NCOR2: variants seen among roughly 807,000 people sequenced by gnomAD.
NCOR2 encodes CTG repeat protein 26.
NCOR2 carries 81 observed loss-of-function variants against 262.9 expected under a neutral mutation model. That is an observed-to-expected ratio of 0.31 (90% CI 0.26 to 0.37). The LOEUF (loss-of-function observed/expected upper bound fraction) is 0.37, where lower values mean the gene tolerates loss of function less well. NCOR2 is among the 10% of genes least tolerant of loss of function. The probability of loss-of-function intolerance (pLI) is 1.00; values close to 1 mark genes in which losing one functional copy is unlikely to be tolerated. For missense variants in NCOR2, 3,385 were observed against 3,621.4 expected (o/e 0.93, Z 1.68); for synonymous variants, 1,659 against 1,559.3 (o/e 1.06, Z -1.51).
chr12:124,423,412 C>T (rs1593470848), intron 11 of NCOR2, among the ~76,000 whole-genome samples: 1 of 152,218 alleles, frequency 6.6e-6, no homozygotes, highest in Admixed American at 6.5e-5. Context: ...AGTGCCCGAC[C>T]TGCCTGGCCC....
intron 31 of NCOR2, 37 bp from the exon 34 acceptor site, chr12:124,344,988 C>T: frequency 1.4e-6 from 2 of 1,480,138 alleles, no homozygotes; most frequent in Non-Finnish European, 1.8e-6. Flanking sequence ...GCCCTGGCCA[C>T]AGCCATAGCC....
chr12:124,326,346 G>A, exon 46 of NCOR2: 1 of 1,520,566 alleles, frequency 6.6e-7, no homozygotes, highest in Non-Finnish European at 8.8e-7. Context: ...GGGTCTGCCA[G>A]AGACCTTGGC....
At chr12:124,358,015 TGC>T (rs2038118449) in intron 22 of NCOR2, among the ~76,000 whole-genome samples, 1 of 145,756 alleles carries the variant, frequency 6.9e-6, no homozygotes, top group African/African-American at 2.6e-5. Flanking sequence ...TGTGCACACG[TGC>T]GTGCATGTGT....
At chr12:124,372,224 C>G in exon 20 of NCOR2, 6 of 1,601,120 alleles carry the variant, frequency 3.7e-6, no homozygotes, top group Non-Finnish European at 5.1e-6. Flanking sequence ...TCCTCGGCTT[C>G]CTCCGTGCAC....
chr12:124,561,242 ATAGTAG>A (rs938849322), intron 1 of NCOR2, among the ~76,000 whole-genome samples: 9 of 152,204 alleles, frequency 5.9e-5, no homozygotes, highest in African/African-American at 2.2e-4. Context: ...ACGGCTCCGT[ATAGTAG>A]GAGTCACTAT....
At chr12:124,349,759 C>T (rs1000959668) in intron 28 of NCOR2, among the ~76,000 whole-genome samples, 2 of 152,158 alleles carry the variant, frequency 1.3e-5, no homozygotes, top group Admixed American at 1.3e-4. Flanking sequence ...TACCCAGTGA[C>T]CTCTCAAGAC....
At chr12:124,326,659 C>T (rs970770477) in intron 45 of NCOR2, among the ~76,000 whole-genome samples, 3 of 152,104 alleles carry the variant, frequency 2.0e-5, no homozygotes, top group Non-Finnish European at 2.9e-5. Context: ...GCAGCGACCC[C>T]AGCCCCAGGG....
At chr12:124,445,945 C>T (rs911280781) in intron 7 of NCOR2, among the ~76,000 whole-genome samples, 1 of 152,248 alleles carries the variant, frequency 6.6e-6, no homozygotes, top group Non-Finnish European at 1.5e-5. Context: ...GGGCAAGTGA[C>T]TTCCCACAGG....
chr12:124,464,671 C>T (rs943780632), intron 5 of NCOR2, among the ~76,000 whole-genome samples: 2 of 152,240 alleles, frequency 1.3e-5, no homozygotes, highest in Non-Finnish European at 2.9e-5. Flanking sequence ...GTGCCAGACA[C>T]TGTCTGTCCT....
chr12:124,372,541 C>G (rs1483837310), exon 20 of NCOR2: 1 of 1,597,298 alleles, frequency 6.3e-7, no homozygotes, highest in Non-Finnish European at 8.5e-7. Flanking sequence ...CCCATTCTGC[C>G]CTGTGTCCTT....
intron 10 of NCOR2, 115 bp downstream of exon 12, chr12:124,429,498 G>C: frequency 8.8e-7 from 1 of 1,132,282 alleles, no homozygotes; most frequent in Non-Finnish European, 1.3e-6. Context: ...GCGCTTCGGT[G>C]GCAAAGCCCC....
intron 37 of NCOR2, 147 bp downstream of exon 39, chr12:124,339,859 C>G: frequency 9.2e-7 from 1 of 1,083,892 alleles, no homozygotes; most frequent in African/African-American, 1.7e-5. Context: ...ATCCACTACT[C>G]ACACATAGTC....
At chr12:124,546,055 G>A (rs1483380568) in intron 1 of NCOR2, among the ~76,000 whole-genome samples, 1 of 152,240 alleles carries the variant, frequency 6.6e-6, no homozygotes, top group East Asian at 1.9e-4. Context: ...GCAGGGCTCA[G>A]CCTGCAGCAA....
chr12:124,363,840 G>A (rs747024857), intron 20 of NCOR2, 41 bp from the exon 23 acceptor site: 29 of 1,319,658 alleles, frequency 2.2e-5, no homozygotes, highest in Admixed American at 6.1e-5. Flanking sequence ...GCCCACAGCC[G>A]GACTCTCCCA....
At chr12:124,416,539 G>C (rs964880747) in intron 13 of NCOR2, among the ~76,000 whole-genome samples, 1 of 150,198 alleles carries the variant, frequency 6.7e-6, no homozygotes, top group Non-Finnish European at 1.5e-5. Flanking sequence ...GGGAGACCCC[G>C]CGGCACAGGG....
intron 7 of NCOR2, among the ~76,000 whole-genome samples, chr12:124,446,986 C>T (rs549837215): frequency 6.6e-6 from 1 of 152,294 alleles, no homozygotes; most frequent in Admixed American, 6.5e-5. Context: ...GTGATCTCGG[C>T]ACACTGCAAC....
In NCOR2 at chr12:124,339,526, C is replaced by T. The variant is rs191175404; in HGVS notation, c.5687+480G>A. Reference sequence around the variant, plus strand: ...CCCAGCTATCTATCCTCTCACCCACCCACCTACCTACCTAACCCTATCACC... The same window carrying T: ...CCCAGCTATCTATCCTCTCACCCACTCACCTACCTACCTAACCCTATCACC... On this transcript the variant is annotated intron_variant, in intron 37 of 46. Transcript: ENST00000405201. 1.5e-3 allele frequency among the ~76,000 whole-genome samples: 228 copies of T among 150,654 alleles called. 3 individuals are homozygous for T. Among genetic ancestry groups the T allele is most frequent in the Admixed American group, 0.014 (216 of 15,124 alleles).
chr12:124,361,122 C>CAAA (rs33951841), intron 22 of NCOR2, among the ~76,000 whole-genome samples: 4 of 122,512 alleles, frequency 3.3e-5, no homozygotes, highest in East Asian at 6.1e-4. Flanking sequence ...CCGTCTCAAA[C>CAAA]AAAAAAAAAA....
chr12:124,412,823 T>C (rs1022732931), intron 13 of NCOR2, among the ~76,000 whole-genome samples: 1 of 152,248 alleles, frequency 6.6e-6, no homozygotes, highest in African/African-American at 2.4e-5. Flanking sequence ...GCCCAGTGAC[T>C]GGGTTTCCCC....
Sources: gnomAD v4.1 joint callset for allele counts (sites outside exome capture counted in the v4.1 genomes callset) on GRCh38, gnomAD v4.1.1 for gene constraint, MANE v1.5 for transcripts, NCBI Gene and HGNC (gene_info 2026-07-23, HGNC 2026-07-21) for gene names.